Variants in CRK observed in about 807,000 individuals in gnomAD.
The protein encoded by CRK is CRK proto-oncogene, adaptor protein, also known as adapter molecule crk.
A neutral mutation model predicts 29.8 loss-of-function variants in CRK; 4 were observed. The observed-to-expected ratio is 0.13, with a 90% CI of 0.07 to 0.31. The LOEUF is 0.31. CRK is among the 10% of genes least tolerant of loss of function. The pLI is 1.00. For missense variants in CRK, 274 were observed against 396.5 expected (o/e 0.69, Z 2.62); for synonymous variants, 153 against 164.9 (o/e 0.93, Z 0.55).
At chr17:1,448,620 C>CAAAAAAAAA (rs1292024313) in intron 1 of CRK, among the ~76,000 whole-genome samples, 2 of 32,370 alleles carry the variant, frequency 6.2e-5, no homozygotes, top group African/African-American at 3.5e-4. Flanking sequence ...GACTCCATCT[C>CAAAAAAAAA]AAAAAAAAAA....
chr17:1,443,725 A>C (rs996069096), intron 1 of CRK, among the ~76,000 whole-genome samples: 1 of 140,266 alleles, frequency 7.1e-6, no homozygotes, highest in South Asian at 2.2e-4. Flanking sequence ...TTTGAGATGG[A>C]GTCTCTTTCT....
intron 1 of CRK, among the ~76,000 whole-genome samples, chr17:1,450,993 C>T (rs1467579587): frequency 6.6e-6 from 1 of 151,718 alleles, no homozygotes; most frequent in Non-Finnish European, 1.5e-5. Context: ...GAGATCGAGA[C>T]CATCCTGGCT....
intron 1 of CRK, among the ~76,000 whole-genome samples, chr17:1,450,164 C>T (rs1454741389): frequency 1.3e-5 from 2 of 152,096 alleles, no homozygotes; most frequent in Non-Finnish European, 2.9e-5. Context: ...GAGATCGTCC[C>T]ACTGCACTCC....
chr17:1,456,149 G>A lies in CRK; in HGVS notation c.-32C>T, dbSNP rs968043992. The A allele has an allele frequency of 3.4e-6, 5 of 1,450,152 alleles. No homozygotes were observed. In the Admixed American group the frequency reaches 8.8e-5, roughly 25 times the overall value. The allele number at this position is 1,450,152 out of a possible 1,614,324, so 89.8% of individuals were successfully genotyped here. On this transcript the variant is annotated 5_prime_UTR_variant, in exon 1 of 3. Coordinates refer to ENST00000300574, the MANE Select transcript of CRK (RefSeq NM_016823.4). ...CTCCGCGCCTAAACGCTGGGGTGCCGCCGCCGCGCGCGCCCCTCCGGCCCC... is the reference window on the plus strand; with the variant it reads ...CTCCGCGCCTAAACGCTGGGGTGCCACCGCCGCGCGCGCCCCTCCGGCCCC...
chr17:1,442,158 GTT>G (rs56392950), intron 1 of CRK, among the ~76,000 whole-genome samples: 197 of 142,526 alleles, frequency 1.4e-3, no homozygotes, highest in African/African-American at 3.5e-3. Context: ...CGCCCGGCCT[GTT>G]TTTTTTTTTT....
At chr17:1,438,216 A>C (rs2073904296) in intron 1 of CRK, among the ~76,000 whole-genome samples, 1 of 151,008 alleles carries the variant, frequency 6.6e-6, no homozygotes, top group East Asian at 1.9e-4. Context: ...TGCAGCCTTG[A>C]CCTCCCAGGC....
chr17:1,448,643 GAAAAA>G (rs2073994259), intron 1 of CRK, among the ~76,000 whole-genome samples: 2 of 52,546 alleles, frequency 3.8e-5, no homozygotes, highest in Non-Finnish European at 3.7e-5. Flanking sequence ...AAAAAAAAAA[GAAAAA>G]GTGGCTCGTA....
chr17:1,442,598 G>T (rs564372395), intron 1 of CRK, among the ~76,000 whole-genome samples: 1 of 143,676 alleles, frequency 7.0e-6, no homozygotes, highest in Admixed American at 7.6e-5. Context: ...TCTTGTGTGT[G>T]AAAGGGTCTT....
At chr17:1,444,461 C>G (rs1463469315) in intron 1 of CRK, among the ~76,000 whole-genome samples, 2 of 151,910 alleles carry the variant, frequency 1.3e-5, no homozygotes, top group African/African-American at 4.8e-5. Flanking sequence ...GGAGGCGGAG[C>G]CTGCAGTGAG....
At chr17:1,429,627 T>TA (rs35227536) in intron 2 of CRK, among the ~76,000 whole-genome samples, 42 of 146,710 alleles carry the variant, frequency 2.9e-4, no homozygotes, top group Middle Eastern at 3.5e-3. Context: ...CTGTCTCTCT[T>TA]AAAAAAAAAA....
At chr17:1,448,527 G>A (rs1288732630) in intron 1 of CRK, among the ~76,000 whole-genome samples, 2 of 149,884 alleles carry the variant, frequency 1.3e-5, no homozygotes, top group South Asian at 2.1e-4. Context: ...GGAGGCTGAG[G>A]CAGGAGAACT....
In CRK at chr17:1,423,063, A is replaced by G. The variant is rs1324277618; in HGVS notation, c.*450T>C. On this transcript the variant is annotated 3_prime_UTR_variant, in exon 3 of 3. Coordinates refer to ENST00000300574, the MANE Select transcript of CRK (RefSeq NM_016823.4). ...AATGAAAGCAATCCTGCTTGATACTATTCACACGGTGCATGATTACTTCAC... is the reference window on the plus strand; with the variant it reads ...AATGAAAGCAATCCTGCTTGATACTGTTCACACGGTGCATGATTACTTCAC... 1 of 403,514 alleles carries G rather than the reference A, an allele frequency of 2.5e-6. No individual in the cohort carries two copies. Among genetic ancestry groups the G allele is most frequent in the Admixed American group, 4.3e-5 (1 of 23,334 alleles). 25.0% of individuals were successfully genotyped at this position (403,514 alleles called of 1,614,324 possible).
At chr17:1,448,467 G>A (rs1176182874) in intron 1 of CRK, among the ~76,000 whole-genome samples, 3 of 151,362 alleles carry the variant, frequency 2.0e-5, no homozygotes, top group Non-Finnish European at 2.9e-5. Flanking sequence ...TACTAAAAAT[G>A]CAAAAATTAG....
At chr17:1,430,807 C>T (rs575557664) in intron 2 of CRK, among the ~76,000 whole-genome samples, 3 of 151,968 alleles carry the variant, frequency 2.0e-5, no homozygotes, top group Non-Finnish European at 2.9e-5. Context: ...GTGGCTCATG[C>T]CTGTAATCCC....
intron 1 of CRK, among the ~76,000 whole-genome samples, chr17:1,444,764 TG>T (rs2073961699): frequency 9.6e-6 from 1 of 103,706 alleles, no homozygotes; most frequent in Admixed American, 1.1e-4. Flanking sequence ...ACCCGGGAGG[TG>T]GAGGCTGCGG....
At chr17:1,424,067 GTTTTT>G (rs58338503) in intron 2 of CRK, among the ~76,000 whole-genome samples, 4 of 109,828 alleles carry the variant, frequency 3.6e-5, no homozygotes, top group Admixed American at 2.2e-4. Flanking sequence ...AGCTTTCTCC[GTTTTT>G]TTTTTTTTTT....
intron 1 of CRK, among the ~76,000 whole-genome samples, chr17:1,444,901 C>T (rs186623665): frequency 3.3e-5 from 5 of 151,670 alleles, no homozygotes; most frequent in Non-Finnish European, 7.4e-5. Flanking sequence ...GTAATCCCAG[C>T]ACTCTGGGAG....
chr17:1,451,409 T>C (rs1056485820), intron 1 of CRK, among the ~76,000 whole-genome samples: 1 of 151,626 alleles, frequency 6.6e-6, no homozygotes, highest in Non-Finnish European at 1.5e-5. Flanking sequence ...TTTTGTATTT[T>C]TTAGTAGAAA....
chr17:1,439,224 T>C lies in CRK; in HGVS notation c.242-2069A>G, dbSNP rs148662675. 7.2e-3 allele frequency among the ~76,000 whole-genome samples: 1,101 copies of C among 152,204 alleles called. 13 individuals are homozygous for C. Among genetic ancestry groups the C allele is most frequent in the African/African-American group, 0.025 (1,023 of 41,540 alleles). ...CATTCTCCTGCCTCAGCCTCCCGAG[T>C]AGCTGGGACTACAGGCACCCGCCAC... is the stretch of plus-strand genomic sequence containing the variant. On this transcript the variant is annotated intron_variant, in intron 1 of 2. Coordinates refer to ENST00000300574, the MANE Select transcript of CRK (RefSeq NM_016823.4).
Sources: gnomAD v4.1 joint callset for allele counts (sites outside exome capture counted in the v4.1 genomes callset) on GRCh38, gnomAD v4.1.1 for gene constraint, MANE v1.5 for transcripts, NCBI Gene and HGNC (gene_info 2026-07-23, HGNC 2026-07-21) for gene names.